Variants in PACS1 observed in about 807,000 individuals in gnomAD.
The protein encoded by PACS1 is PACS-1.
A neutral mutation model predicts 115.0 loss-of-function variants in PACS1; 24 were observed. That is an observed-to-expected ratio of 0.21 (90% confidence interval 0.15 to 0.29). The LOEUF (loss-of-function observed/expected upper bound fraction) is 0.29. Ranked by LOEUF, PACS1 falls within the 10% of genes least tolerant of loss-of-function variation. The pLI is 1.00. For synonymous variants in PACS1, 453 were observed against 504.5 expected (o/e 0.90, Z 1.37); for missense variants, 838 against 1,251.2 (o/e 0.67, Z 4.98).
At chr11:66,230,170 A>G (rs1465260153) in intron 11 of PACS1, among the ~76,000 whole-genome samples, 3 of 150,848 alleles carry the variant, frequency 2.0e-5, no homozygotes, top group Non-Finnish European at 4.4e-5. Flanking sequence ...AAAAAAAGGA[A>G]TGGGGCTATG....
chr11:66,128,832 C>T lies in PACS1; in HGVS notation c.356+57990C>T, dbSNP rs534858743. ...CCGTGAGGCGGAGGTTGCAGTGAGC[C>T]GAGATCGTGCCACTGTACTCCATCC... On this transcript the variant is annotated intron_variant, in intron 1 of 23. Coordinates refer to ENST00000320580, the MANE Select transcript of PACS1 (RefSeq NM_018026.4). Among the ~76,000 whole-genome samples, 8 of 149,768 alleles carry T rather than the reference C, an allele frequency of 5.3e-5. No individual in the cohort carries two copies. The South Asian group carries it at 8.4e-4, about 16-fold the overall frequency.
At chr11:66,209,737 T>C (rs1855026827) in intron 2 of PACS1, among the ~76,000 whole-genome samples, 1 of 151,900 alleles carries the variant, frequency 6.6e-6, no homozygotes, top group Admixed American at 6.6e-5. Context: ...ACCCTGTCTC[T>C]ACTAAAAATA....
chr11:66,238,392 G>T, intron 19 of PACS1: 1 of 972,710 alleles, frequency 1.0e-6, no homozygotes, highest in Non-Finnish European at 1.2e-6. Context: ...GCAAAGTCTC[G>T]CATGCCCCAT....
At chr11:66,241,035 C>T (rs1271389459) in intron 21 of PACS1, 3 of 156,070 alleles carry the variant, frequency 1.9e-5, no homozygotes, top group Non-Finnish European at 2.8e-5. Flanking sequence ...TTCTCTCCAG[C>T]TCGAGGCTCA....
Position 66,216,614 on chromosome 11 carries a change from A to G in PACS1, c.897+3A>G. 1 of 1,613,360 alleles carries G rather than the reference A, an allele frequency of 6.2e-7. No individual in the cohort carries two copies. Among genetic ancestry groups the G allele is most frequent in the Non-Finnish European group, 8.5e-7 (1 of 1,179,268 alleles). ...GTGATGATCCATTGCATGGGCAGGT[A>G]ACTTTCTGTGGTCCCTCACATGGCG... On this transcript the variant is annotated splice_donor_region_variant and intron_variant, in intron 6 of 23. Transcript: ENST00000320580.
At chr11:66,237,978 G>T (rs1855738342) in intron 19 of PACS1, 1 of 834,490 alleles carries the variant, frequency 1.2e-6, no homozygotes, top group Admixed American at 6.2e-5. Flanking sequence ...CAGCCCTCTG[G>T]ACTCCCAGCC....
intron 11 of PACS1, among the ~76,000 whole-genome samples, chr11:66,229,275 T>G (rs1855532905): frequency 6.7e-6 from 1 of 150,188 alleles, no homozygotes; most frequent in African/African-American, 2.5e-5. Context: ...GACATGCACC[T>G]GTACTTGGAA....
In PACS1 at chr11:66,118,079, G is replaced by A. The variant is rs181826930; in HGVS notation, c.356+47237G>A. On this transcript the variant is annotated intron_variant, in intron 1 of 23. Transcript: ENST00000320580. ...GGCACATGTGGGGGTCATTTTAAACGTATGTTTGGATTATTCATCTACGTT... is the reference window on the plus strand; with the variant it reads ...GGCACATGTGGGGGTCATTTTAAACATATGTTTGGATTATTCATCTACGTT... Among the ~76,000 whole-genome samples, 562 of 152,300 alleles carry A rather than the reference G, an allele frequency of 3.7e-3. 2 individuals are homozygous for A. Among genetic ancestry groups the A allele is most frequent in the Non-Finnish European group, 6.9e-3 (467 of 68,034 alleles).
chr11:66,089,395 TAA>T lies in PACS1; in HGVS notation c.356+18554_356+18555del, dbSNP rs565197654. On this transcript the variant is annotated intron_variant, in intron 1 of 23. Transcript: ENST00000320580. ...TTTTTTTGCAGGAAGAGACCTAAAATAAGTCAACAGTTTCAAGTGTTGCCATT... is the reference window on the plus strand; with the variant it reads ...TTTTTTTGCAGGAAGAGACCTAAAATGTCAACAGTTTCAAGTGTTGCCATT... Among the ~76,000 whole-genome samples, 316 of 152,334 alleles carry T rather than the reference TAA, an allele frequency of 2.1e-3. 1 individual carries two copies. The highest frequency in any genetic ancestry group is 7.4e-3 in the African/African-American group (306 of 41,570).
Position 66,070,756 on chromosome 11 carries a change from G to C in PACS1, c.270G>C (p.Pro90=). The change falls in exon 1 of 24, where the codon CCG becomes CCC. Residue 90 remains proline, a synonymous_variant. Coordinates refer to ENST00000320580, the MANE Select transcript of PACS1 (RefSeq NM_018026.4). The surrounding 1 kb of genome is among the most constrained non-coding windows in gnomAD (Gnocchi z 5.9). The stretch of plus-strand genomic sequence containing the variant: ...CGGGCTCCGCGCCTCCCGGTGGCCC[G>C]GGGCCAGGCCGCACCCCCGCCCCGG... ...VASGSAPPGG[P]GPGRTPAPVQ... 1 of 1,550,616 alleles carries C rather than the reference G, an allele frequency of 6.4e-7. No individual in the cohort carries two copies. Among genetic ancestry groups the C allele is most frequent in the East Asian group, 2.5e-5 (1 of 39,460 alleles).
intron 1 of PACS1, among the ~76,000 whole-genome samples, chr11:66,097,942 C>G (rs191394516): frequency 6.6e-6 from 1 of 152,086 alleles, no homozygotes; most frequent in Non-Finnish European, 1.5e-5. Flanking sequence ...ACTTTGGGGG[C>G]CAAGGTGGGT....
chr11:66,234,373 C>T, intron 17 of PACS1, 131 bp downstream of exon 17: 1 of 701,592 alleles, frequency 1.4e-6, no homozygotes, highest in Non-Finnish European at 2.6e-6. Context: ...TCTGTCCATT[C>T]ATTTTTCCAT....
chr11:66,207,433 C>T (rs185001018), intron 2 of PACS1, among the ~76,000 whole-genome samples: 100 of 152,338 alleles, frequency 6.6e-4, no homozygotes, highest in Middle Eastern at 3.4e-3. Context: ...CACTACTGTA[C>T]TCCAGCCTAG....
intron 1 of PACS1, among the ~76,000 whole-genome samples, chr11:66,135,500 C>G (rs1858818814): frequency 6.6e-6 from 1 of 152,228 alleles, no homozygotes; most frequent in South Asian, 2.1e-4. Context: ...AATGAAAGTT[C>G]TTCATTTTAA....
chr11:66,181,751 T>C (rs937565043), intron 1 of PACS1, among the ~76,000 whole-genome samples: 1 of 152,168 alleles, frequency 6.6e-6, no homozygotes, highest in Admixed American at 6.6e-5. Context: ...GTTCTTTTTT[T>C]CCCCACACAC....
At chr11:66,227,666 A>G (rs1855494479) in intron 11 of PACS1, 82 bp downstream of exon 11, 1 of 826,220 alleles carries the variant, frequency 1.2e-6, no homozygotes, top group Non-Finnish European at 2.0e-6. Context: ...GACCCTCAGG[A>G]CCACCATAGA....
rs151217686 is a variant in PACS1 at position 66,199,792 on chromosome 11, G to A, written c.444+6219G>A. Among the ~76,000 whole-genome samples, 757 of 146,940 alleles carry A rather than the reference G, an allele frequency of 5.2e-3. 4 individuals carry two copies. Among genetic ancestry groups the A allele is most frequent in the African/African-American group, 0.018 (717 of 39,636 alleles). On this transcript the variant is annotated intron_variant, in intron 2 of 23. Transcript: ENST00000320580. ...CCCAGCACTTTGGGAGCCCAAGGCG[G>A]GCAAATCATGAGGTCAGGAGTTCGA... is the stretch of plus-strand genomic sequence containing the variant.
At chr11:66,221,808 C>G (rs1476036493) in intron 10 of PACS1, among the ~76,000 whole-genome samples, 1 of 152,132 alleles carries the variant, frequency 6.6e-6, no homozygotes, top group African/African-American at 2.4e-5. Flanking sequence ...CGCCTTCCCT[C>G]TCAGAATACA....
At chr11:66,230,508 G>A in intron 11 of PACS1, 40 bp from the exon 12 acceptor site, 3 of 1,438,558 alleles carry the variant, frequency 2.1e-6, no homozygotes, top group Non-Finnish European at 2.9e-6. Flanking sequence ...TGGTCACTGA[G>A]TGGGAGGTCA....
Sources: gnomAD v4.1 joint callset for allele counts (sites outside exome capture counted in the v4.1 genomes callset) on GRCh38, gnomAD v4.1.1 for gene constraint, Gnocchi (gnomAD v3.1) non-coding constraint, MANE v1.5 for transcripts, NCBI Gene and HGNC (gene_info 2026-07-23, HGNC 2026-07-21) for gene names.